The following NAALAD2 variants were observed in gnomAD, a reference collection of about 807,000 sequenced individuals.
The protein encoded by NAALAD2 is N-acetylated-alpha-linked acidic dipeptidase 2.
NAALAD2 carries 89 observed loss-of-function variants against 95.6 expected under a neutral mutation model. The observed-to-expected ratio is 0.93, with a 90% CI of 0.78 to 1.11. The LOEUF (loss-of-function observed/expected upper bound fraction) is 1.11. Ranked by LOEUF, NAALAD2 falls within the 50% of genes least tolerant of loss-of-function variation. The pLI is 0.00. For missense variants in NAALAD2, 894 were observed against 872.4 expected, an observed-to-expected ratio of 1.02 and a Z score of -0.31; for synonymous variants, 264 against 294.4, an observed-to-expected ratio of 0.90 and a Z score of 1.06.
intron 11 of NAALAD2, among the ~76,000 whole-genome samples, chr11:90,167,487 C>T (rs944355841): frequency 1.4e-4 from 21 of 152,180 alleles, no homozygotes; most frequent in Admixed American, 8.5e-4. Context: ...TGCTCCACGG[C>T]GACCAGTCCC....
chr11:90,163,846 G>A (rs141155954), intron 11 of NAALAD2: 47 of 451,554 alleles, frequency 1.0e-4, no homozygotes, highest in African/African-American at 4.7e-4. Flanking sequence ...AAATATTTTC[G>A]TTGCCATTTG....
intron 11 of NAALAD2, among the ~76,000 whole-genome samples, chr11:90,167,970 C>T (rs1434391163): frequency 6.6e-6 from 1 of 152,194 alleles, no homozygotes; most frequent in Non-Finnish European, 1.5e-5. Context: ...TGGCAACCCT[C>T]TGGGGTCTCC....
rs1432264425 is a variant in NAALAD2 at position 90,177,480 on chromosome 11, ATT to A, written c.1594-369_1594-368del. Among the ~76,000 whole-genome samples the A allele has an allele frequency of 5.9e-5, 9 of 151,360 alleles. No homozygotes were observed. In the East Asian group the frequency reaches 1.7e-3, roughly 29 times the overall value. ...AAATTATAAAACAAATAATGAGAAA[ATT>A]TTTAAAACCAGTGAATATTTGGCTA... On this transcript the variant is annotated intron_variant, in intron 15 of 18. Transcript: ENST00000534061.
chr11:90,151,334 T>C (rs570808536), intron 5 of NAALAD2, among the ~76,000 whole-genome samples: 22 of 152,170 alleles, frequency 1.4e-4, no homozygotes, highest in Non-Finnish European at 2.9e-4. Flanking sequence ...TAACTGCTTA[T>C]TAATTACCTC....
In NAALAD2 at chr11:90,144,740, TA is replaced by T. The variant is rs773275468; in HGVS notation, c.195-2575del. The stretch of plus-strand genomic sequence containing the variant: ...CTGGGCAACAAGAGCAAAACTCCAT[TA>T]AAAAAAAAAAAAAACGGAAAAGAAA... On this transcript the variant is annotated intron_variant, in intron 2 of 18. Coordinates refer to ENST00000534061, the MANE Select transcript of NAALAD2 (RefSeq NM_005467.4). Among the ~76,000 whole-genome samples the T allele has an allele frequency of 4.3e-3, 395 of 90,828 alleles. 4 individuals carry two copies. Among genetic ancestry groups the T allele is most frequent in the East Asian group, 7.8e-3 (24 of 3,082 alleles). The allele number at this position is 90,828 out of a possible 152,430, so 59.6% of individuals were successfully genotyped here. A position where few individuals can be genotyped will look rare whatever the true frequency, so the allele number is the denominator to read the frequency against.
intron 6 of NAALAD2, among the ~76,000 whole-genome samples, chr11:90,157,370 A>G (rs1051499305): frequency 6.6e-6 from 1 of 152,192 alleles, no homozygotes; most frequent in Non-Finnish European, 1.5e-5. Flanking sequence ...AGTTCCAATG[A>G]GGTTTTAAGG....
chr11:90,133,960 G>A (rs1951396091), upstream of NAALAD2, among the ~76,000 whole-genome samples: 1 of 152,132 alleles, frequency 6.6e-6, no homozygotes, highest in African/African-American at 2.4e-5. Context: ...CTGGAAGAGA[G>A]GGGTATGGTC....
rs556905684 is a variant in NAALAD2 at position 90,192,316 on chromosome 11, A to G, written c.*569A>G. 1.3e-5 allele frequency: 2 copies of G among 152,166 alleles called. No homozygotes were observed. Among genetic ancestry groups the G allele is most frequent in the South Asian group, 4.1e-4 (2 of 4,834 alleles). The allele number at this position is 152,166 out of a possible 1,614,324, so 9.4% of individuals were successfully genotyped here. A position where few individuals can be genotyped will look rare whatever the true frequency, so the allele number is the denominator to read the frequency against. On this transcript the variant is annotated 3_prime_UTR_variant, in exon 19 of 19. Transcript: ENST00000534061. ...ATAAAAATGAAGTAACTTTCAATAA[A>G]TGCAATATTATTGGCAGACATTGTT...
intron 18 of NAALAD2, among the ~76,000 whole-genome samples, chr11:90,188,003 T>TA (rs1344663648): frequency 1.3e-5 from 2 of 152,154 alleles, no homozygotes; most frequent in African/African-American, 2.4e-5. Flanking sequence ...GATGAAGAGT[T>TA]ACAGACAGAA....
intron 8 of NAALAD2, among the ~76,000 whole-genome samples, chr11:90,161,716 C>A (rs959312567): frequency 6.6e-6 from 1 of 152,068 alleles, no homozygotes; most frequent in Non-Finnish European, 1.5e-5. Context: ...AGACTAATAT[C>A]AATTTTTTTC....
chr11:90,154,911 TA>T, intron 6 of NAALAD2, among the ~76,000 whole-genome samples: 1 of 100,536 alleles, frequency 9.9e-6, no homozygotes, highest in Non-Finnish European at 2.0e-5. Context: ...TACGTATACA[TA>T]TGTATATATT....
intron 6 of NAALAD2, among the ~76,000 whole-genome samples, chr11:90,156,045 G>A (rs971956511): frequency 4.0e-5 from 6 of 150,956 alleles, no homozygotes; most frequent in Non-Finnish European, 8.9e-5. Flanking sequence ...TAATATTTTT[G>A]TACTATTCTT....
At chr11:90,150,420 ATTTTTTG>A in intron 4 of NAALAD2, 55 bp from the exon 5 acceptor site, 6 of 1,172,696 alleles carry the variant, frequency 5.1e-6, no homozygotes, top group Non-Finnish European at 6.9e-6. Flanking sequence ...AAGCAAACTT[ATTTTTTG>A]TTTTTTTTTT....
rs191964138 is a variant in NAALAD2 at position 90,172,845 on chromosome 11, A to C, written c.1411-979A>C. On this transcript the variant is annotated intron_variant, in intron 13 of 18. Transcript: ENST00000534061. ...ACTCTGTCTAAAGGCCAGAGAAAAT[A>C]CCAGATGTTTATATTCAGAAAGGTA... Among the ~76,000 whole-genome samples the C allele has an allele frequency of 2.0e-5, 3 of 152,270 alleles. No homozygotes were observed. In the East Asian group the frequency reaches 5.8e-4, roughly 29 times the overall value.
rs1951410462 is a variant in NAALAD2 at position 90,134,713 on chromosome 11, A to C, written c.-46A>C. On this transcript the variant is annotated 5_prime_UTR_variant, in exon 1 of 19. Coordinates refer to ENST00000534061, the MANE Select transcript of NAALAD2 (RefSeq NM_005467.4). ...GCTCTCTGTTTCTCTGCAGCCCCGA[A>C]GCTCGCGAATGTAGCAGGCGCCCCA... 1.3e-6 allele frequency: 2 copies of C among 1,588,500 alleles called. No individual in the cohort carries two copies. Among genetic ancestry groups the C allele is most frequent in the Non-Finnish European group, 1.7e-6 (2 of 1,158,466 alleles).
Position 90,149,110 on chromosome 11 carries a change from A to T in NAALAD2, c.483+3A>T, listed in dbSNP as rs1199027326. On this transcript the variant is annotated splice_donor_region_variant and intron_variant, in intron 4 of 18. Coordinates refer to ENST00000534061, the MANE Select transcript of NAALAD2 (RefSeq NM_005467.4). The stretch of plus-strand genomic sequence containing the variant: ...TCTCAGCCCAAGGCATGCCAGAGGT[A>T]AAATAAAATACTTTTGTAATCCAAG... 5.8e-6 allele frequency: 9 copies of T among 1,551,740 alleles called. No individual in the cohort carries two copies. Among genetic ancestry groups the T allele is most frequent in the Non-Finnish European group, 7.9e-6 (9 of 1,132,910 alleles).
At chr11:90,190,859 T>C (rs1430035720) in intron 18 of NAALAD2, among the ~76,000 whole-genome samples, 2 of 152,210 alleles carry the variant, frequency 1.3e-5, no homozygotes, top group Non-Finnish European at 1.5e-5. Flanking sequence ...GGGGTTTGAC[T>C]GTTGGACCTA....
At chr11:90,169,731 A>G (rs1952579350) in intron 12 of NAALAD2, 2 of 258,856 alleles carry the variant, frequency 7.7e-6, no homozygotes. Flanking sequence ...ACTATTGCAT[A>G]GAATGAAACA....
chr11:90,166,268 G>C (rs1267089285), intron 11 of NAALAD2, among the ~76,000 whole-genome samples: 1 of 152,044 alleles, frequency 6.6e-6, no homozygotes, highest in Admixed American at 6.6e-5. Flanking sequence ...TGTTAGTTTT[G>C]CTTTACTTTT....
Sources: allele counts gnomAD v4.1 joint callset (sites outside exome capture counted in the v4.1 genomes callset), GRCh38; gene constraint gnomAD v4.1.1; transcripts MANE v1.5; gene names NCBI Gene and HGNC (gene_info 2026-07-23, HGNC 2026-07-21).